The following HERC2 variants were observed in gnomAD, a reference collection of about 807,000 sequenced individuals.
HERC2 encodes HECT and RLD domain containing E3 ubiquitin protein ligase 2, also known as E3 ubiquitin-protein ligase HERC2.
In HERC2, 102 loss-of-function variants were observed where a neutral mutation model predicts 537.7. That is an observed-to-expected ratio of 0.19 (90% CI 0.16 to 0.22). HERC2 has a LOEUF of 0.22. HERC2 is among the 10% of genes least tolerant of loss of function. HERC2 has a pLI of 1.00. For synonymous variants in HERC2, 2,224 were observed against 2,466.2 expected, an observed-to-expected ratio of 0.90 and a Z score of 2.91; for missense variants, 4,236 against 6,198.2, an observed-to-expected ratio of 0.68 and a Z score of 10.63.
In HERC2 at chr15:28,229,727, G is replaced by C. The variant is rs1454715976; in HGVS notation, c.4930C>G (p.Leu1644Val). Residue 1644 changes from leucine to valine, a missense_variant, in exon 32 of 93, where the codon CTT (leucine) becomes GTT (valine). By Grantham distance (32) the Leu-to-Val change is conservative (BLOSUM62 1). This residue lies in a region of HERC2 where 343 missense variants were observed against 417.2 expected (regional missense o/e 0.82). Transcript: ENST00000261609. ...PLLSTIAEFALKEEPVDVEKM... is the reference protein window; with the variant it reads ...PLLSTIAEFAVKEEPVDVEKM... ...TCCACATCCACTGGCTCTTCTTTAA[G>C]GGCAAATTCAGCAATTGTACTGAGG... is the stretch of plus-strand genomic sequence containing the variant. The C allele has an allele frequency of 2.5e-6, 4 of 1,611,154 alleles. No homozygotes were observed. Among genetic ancestry groups the C allele is most frequent in the African/African-American group, 1.3e-5 (1 of 74,800 alleles).
At chr15:28,275,115 CTT>C in intron 5 of HERC2, 110 bp from the exon 6 acceptor site, 14 of 560,266 alleles carry the variant, frequency 2.5e-5, no homozygotes, top group Non-Finnish European at 4.4e-5. Context: ...CAATGGTTTT[CTT>C]CAAGTGACAG....
chr15:28,215,864 T>C, intron 38 of HERC2, 62 bp from the exon 39 acceptor site: 3 of 1,021,658 alleles, frequency 2.9e-6, no homozygotes, highest in Non-Finnish European at 4.4e-6. Flanking sequence ...CCTAAAGATA[T>C]ATCCTTATTT....
chr15:28,174,664 G>C, intron 64 of HERC2, 44 bp from the exon 65 acceptor site: 1 of 1,297,286 alleles, frequency 7.7e-7, no homozygotes, highest in Non-Finnish European at 1.1e-6. Flanking sequence ...CAACATTTCA[G>C]GACATTTTCT....
rs952444389 is a variant in HERC2, at chr15:28,122,220, G to A, written c.13189-791C>T. 6.6e-5 allele frequency among the ~76,000 whole-genome samples: 10 copies of A among 152,232 alleles called. No individual in the cohort carries two copies. The highest frequency in any genetic ancestry group is 1.9e-4 in the East Asian group (1 of 5,182). On this transcript the variant is annotated intron_variant, in intron 85 of 92. Coordinates refer to ENST00000261609, the MANE Select transcript of HERC2 (RefSeq NM_004667.6). This position sits in a 1 kb window ranked among gnomAD's most constrained non-coding sequence, Gnocchi z 4.1. ...TCAGCACCACGGTGAGGACCCAGCC[G>A]TTCCCCAGGAGGGAGCAGGTCGGCC...
intron 56 of HERC2, among the ~76,000 whole-genome samples, chr15:28,184,473 C>T (rs185947513): frequency 6.6e-6 from 1 of 152,280 alleles, no homozygotes; most frequent in Non-Finnish European, 1.5e-5. Flanking sequence ...AAGTATCTAG[C>T]TTTTCTTTCG....
At chr15:28,182,707 G>A (rs1895941351) in intron 56 of HERC2, among the ~76,000 whole-genome samples, 195 bp from the exon 57 acceptor site, 1 of 152,144 alleles carries the variant, frequency 6.6e-6, no homozygotes, top group Non-Finnish European at 1.5e-5. Context: ...AAATTTTCTA[G>A]ATACAACCAT....
At position 28,125,126 on chromosome 15, in the gene HERC2, C is replaced by G; in HGVS notation, c.12870G>C (p.Gln4290His). 18 of 1,614,138 alleles carry G rather than the reference C, an allele frequency of 1.1e-5. No individual in the cohort carries two copies. The highest frequency in any genetic ancestry group is 1.5e-5 in the Non-Finnish European group (18 of 1,179,952). ...QLGDGTTNAI[Q>H]RPRLVAALQG... ...GAAGGGCAGCTACCAACCGAGGCCT[C>G]TGGATGGCATTGGTGGTTCCGTCTC... The change falls in exon 84 of 93, where the codon CAG becomes CAC. Residue 4290 changes from glutamine (Q) to histidine (H), a missense_variant. Physicochemically the swap from Gln to His is conservative, Grantham distance 24. Transcript: ENST00000261609.
intron 35 of HERC2, among the ~76,000 whole-genome samples, chr15:28,226,397 C>T (rs946606782): frequency 1.3e-5 from 2 of 150,956 alleles, no homozygotes; most frequent in African/African-American, 4.9e-5. Context: ...ACAGGGGGTA[C>T]CTGCACAATT....
chr15:28,127,101 G>A (rs1889579831), intron 83 of HERC2, among the ~76,000 whole-genome samples: 1 of 152,214 alleles, frequency 6.6e-6, no homozygotes, highest in Non-Finnish European at 1.5e-5. Flanking sequence ...GACTCCTCGG[G>A]TGTCTGGAAA....
chr15:28,142,539 C>T (rs1453415857), intron 75 of HERC2, 146 bp from the exon 76 acceptor site: 5 of 885,906 alleles, frequency 5.6e-6, no homozygotes, highest in South Asian at 3.6e-5. Flanking sequence ...AGTGATGTGG[C>T]GACCTCTGAC....
chr15:28,214,000 C>T, intron 41 of HERC2, 28 bp from the exon 42 acceptor site: 1 of 1,611,352 alleles, frequency 6.2e-7, no homozygotes, highest in Non-Finnish European at 8.5e-7. Flanking sequence ...GCGAGCTCGA[C>T]AGAGACACTC....
intron 69 of HERC2, among the ~76,000 whole-genome samples, chr15:28,153,577 G>C (rs1174097286): frequency 6.6e-6 from 1 of 152,148 alleles, no homozygotes. Flanking sequence ...CTTAAACTCA[G>C]GAGGTGAAGG....
At chr15:28,173,776 G>A (rs1894930899) in intron 65 of HERC2, among the ~76,000 whole-genome samples, 3 of 144,242 alleles carry the variant, frequency 2.1e-5, no homozygotes, top group Admixed American at 1.4e-4. Context: ...GCACTCCAGA[G>A]TGAGACCCTG....
Position 28,168,243 on chromosome 15 carries a change from C to T in HERC2, c.10413+164G>A, listed in dbSNP as rs139271571. The stretch of plus-strand genomic sequence containing the variant: ...TAAAAGAAAGCCAATTCCACTTAAG[C>T]ACTTTAAAAGCTCCTTTACAGAGAA... On this transcript the variant is annotated intron_variant, in intron 67 of 92. Transcript: ENST00000261609. Among the ~76,000 whole-genome samples, 1,187 of 152,186 alleles carry T rather than the reference C, an allele frequency of 7.8e-3. 8 individuals carry two copies. Among genetic ancestry groups the T allele is most frequent in the Non-Finnish European group, 0.014 (971 of 68,018 alleles).
At chr15:28,194,247 A>G (rs1897131117) in intron 52 of HERC2, among the ~76,000 whole-genome samples, 2 of 146,730 alleles carry the variant, frequency 1.4e-5, no homozygotes, top group African/African-American at 2.5e-5. Context: ...TTGTATTTTT[A>G]GTACAGACGG....
At chr15:28,196,601 T>C in intron 50 of HERC2, 32 bp from the exon 51 acceptor site, 1 of 1,260,930 alleles carries the variant, frequency 7.9e-7, no homozygotes, top group Non-Finnish European at 1.2e-6. Flanking sequence ...CTGATCCATC[T>C]TCCTCTTCAC....
rs1440952573 is a variant in HERC2 at position 28,274,777 on chromosome 15, G to T, written c.643+128C>A. On this transcript the variant is annotated intron_variant, in intron 6 of 92. Coordinates refer to ENST00000261609, the MANE Select transcript of HERC2 (RefSeq NM_004667.6). ...GCCTCTGCAGCCTCTCATCTCACAAGCAAGGAAACTGAGGCACAGAGAGCA... is the reference window on the plus strand; with the variant it reads ...GCCTCTGCAGCCTCTCATCTCACAATCAAGGAAACTGAGGCACAGAGAGCA... The T allele has an allele frequency of 3.1e-5, 23 of 742,108 alleles. No homozygotes were observed. The Admixed American group carries it at 4.7e-4, about 15-fold the overall frequency. 46.0% of individuals were successfully genotyped at this position (742,108 alleles called of 1,614,324 possible).
At chr15:28,148,159 G>A (rs1018236112) in intron 70 of HERC2, among the ~76,000 whole-genome samples, 6 of 151,892 alleles carry the variant, frequency 4.0e-5, no homozygotes, top group African/African-American at 1.5e-4. Context: ...AACAAATTGA[G>A]TGAAATTAGA....
Position 28,114,612 on chromosome 15 carries a change from CTA to C in HERC2, c.13911_13912del (p.Tyr4637Ter). On this transcript the variant is annotated stop_gained and frameshift_variant and splice_region_variant, in exon 90 of 93. Transcript: ENST00000261609. LOFTEE classifies it high-confidence loss of function. The stretch of plus-strand genomic sequence containing the variant: ...GCAACAGAGACGGATGACCACCAAC[CTA>C]TAGTTTATCGCCAGCCGCACGTACT... 1 of 1,612,950 alleles carries C rather than the reference CTA, an allele frequency of 6.2e-7. No individual in the cohort carries two copies. Among genetic ancestry groups the C allele is most frequent in the Non-Finnish European group, 8.5e-7 (1 of 1,179,468 alleles).
Sources: allele counts gnomAD v4.1 joint callset (sites outside exome capture counted in the v4.1 genomes callset), GRCh38; gene constraint gnomAD v4.1.1; regional missense constraint gnomAD v4.1.1; non-coding constraint Gnocchi (gnomAD v3.1); transcripts MANE v1.5; gene names NCBI Gene and HGNC (gene_info 2026-07-23, HGNC 2026-07-21).